The following PRKAR1B variants were observed in gnomAD, a reference collection of about 807,000 sequenced individuals.
PRKAR1B encodes the protein cAMP-dependent protein kinase type I-beta regulatory subunit.
In PRKAR1B, 22 loss-of-function variants were observed where a neutral mutation model predicts 46.5. The observed-to-expected ratio is 0.47, with a 90% CI of 0.34 to 0.68. The LOEUF (loss-of-function observed/expected upper bound fraction) is 0.68, where lower values mean the gene tolerates loss of function less well. Ranked by LOEUF, PRKAR1B falls within the 30% of genes least tolerant of loss-of-function variation. The pLI, the probability that PRKAR1B is intolerant of heterozygous loss-of-function variation, is 0.01. For missense variants in PRKAR1B, 445 were observed against 535.6 expected, an observed-to-expected ratio of 0.83 and a Z score of 1.67; for synonymous variants, 259 against 217.7, an observed-to-expected ratio of 1.19 and a Z score of -1.67.
chr7:702,558 T>G (rs1780115198), intron 2 of PRKAR1B, among the ~76,000 whole-genome samples: 1 of 152,182 alleles, frequency 6.6e-6, no homozygotes, highest in Non-Finnish European at 1.5e-5. Context: ...GGCGTGGGGC[T>G]CACACCTGTA....
chr7:687,510 C>T (rs1406879180), intron 2 of PRKAR1B, among the ~76,000 whole-genome samples: 2 of 152,120 alleles, frequency 1.3e-5, no homozygotes, highest in East Asian at 3.9e-4. Context: ...ATGAAAATAT[C>T]CAGACTGCAG....
chr7:721,385 G>A (rs1431857329), intron 1 of PRKAR1B, among the ~76,000 whole-genome samples: 3 of 152,290 alleles, frequency 2.0e-5, no homozygotes, highest in East Asian at 1.9e-4. Context: ...GGTGGCTCAC[G>A]CCTGTAATCC....
intron 4 of PRKAR1B, among the ~76,000 whole-genome samples, chr7:673,025 A>G (rs1034309994): frequency 7.6e-6 from 1 of 131,226 alleles, no homozygotes; most frequent in Admixed American, 8.5e-5. Flanking sequence ...AGCCTGGGTG[A>G]GAGAGTAAGG....
At chr7:664,795 C>T (rs772725244) in intron 4 of PRKAR1B, among the ~76,000 whole-genome samples, 2 of 151,884 alleles carry the variant, frequency 1.3e-5, no homozygotes, top group Admixed American at 6.6e-5. Flanking sequence ...ACGCCTGTGG[C>T]CCCAGCTAGT....
At position 697,377 on chromosome 7, in the gene PRKAR1B, G is replaced by A. The variant is rs183110001; in HGVS notation, c.177+13952C>T. ...CAGTCCTGCCTGCGGCCCGGTTCTC[G>A]CTCCTGTGGGGACACAGCCTGCCCC... On this transcript the variant is annotated intron_variant, in intron 2 of 10. Transcript: ENST00000537384. 1.8e-3 allele frequency among the ~76,000 whole-genome samples: 270 copies of A among 152,218 alleles called. 1 individual carries two copies. The highest frequency in any genetic ancestry group is 5.9e-3 in the African/African-American group (247 of 41,540).
intron 6 of PRKAR1B, 37 bp from the exon 7 acceptor site, chr7:596,341 A>C (rs1781264979): frequency 6.3e-7 from 1 of 1,583,154 alleles, no homozygotes; most frequent in Non-Finnish European, 8.6e-7. Context: ...CACGGGGGCC[A>C]GGCAGGGTGA....
intron 9 of PRKAR1B, among the ~76,000 whole-genome samples, chr7:577,745 T>G (rs751713664): frequency 6.6e-6 from 1 of 152,188 alleles, no homozygotes; most frequent in Non-Finnish European, 1.5e-5. Flanking sequence ...GTGATGCATG[T>G]GGGCCCCAAA....
intron 4 of PRKAR1B, among the ~76,000 whole-genome samples, chr7:616,011 A>AGAGAGAGT (rs1782802912): frequency 6.7e-6 from 1 of 150,334 alleles, no homozygotes; most frequent in Non-Finnish European, 1.5e-5. Flanking sequence ...AGGAAGAAAG[A>AGAGAGAGT]GAGAGAGAGA....
Position 602,331 on chromosome 7 carries a change from T to C in PRKAR1B, c.549+3862A>G, listed in dbSNP as rs1781669626. Among the ~76,000 whole-genome samples the C allele has an allele frequency of 6.6e-6, 1 of 150,724 alleles. No individual in the cohort carries two copies. Among genetic ancestry groups the C allele is most frequent in the African/African-American group, 2.4e-5 (1 of 40,966 alleles). ...GCTGGAAGGACGGAGGGAAGGGAGATGCCTCACTGAGTCCAGAGGTCGAGG... is the reference window on the plus strand; with the variant it reads ...GCTGGAAGGACGGAGGGAAGGGAGACGCCTCACTGAGTCCAGAGGTCGAGG... On this transcript the variant is annotated intron_variant, in intron 6 of 10. Transcript: ENST00000537384. This position sits in a 1 kb window ranked among gnomAD's most constrained non-coding sequence, Gnocchi z 6.4.
chr7:588,596 G>A (rs1780752454), intron 7 of PRKAR1B, among the ~76,000 whole-genome samples: 1 of 117,506 alleles, frequency 8.5e-6, no homozygotes, highest in African/African-American at 3.8e-5. Context: ...TGGTGATGAC[G>A]GTGGTGATGG....
At chr7:582,508 G>A (rs971087425) in intron 8 of PRKAR1B, among the ~76,000 whole-genome samples, 37 of 152,252 alleles carry the variant, frequency 2.4e-4, no homozygotes, top group African/African-American at 8.9e-4. Context: ...GGGAGGCCAC[G>A]GAGAAGCCGG....
In PRKAR1B at chr7:667,486, C is replaced by G. The variant is rs1303252572; in HGVS notation, c.440+9743G>C. On this transcript the variant is annotated intron_variant, in intron 4 of 10. Coordinates refer to ENST00000537384, the MANE Select transcript of PRKAR1B (RefSeq NM_001164760.2). The surrounding 1 kb of genome is among the most constrained non-coding windows in gnomAD (Gnocchi z 4.3). ...TGCATAGGCGTGCCTGGGAATAAGA[C>G]CACTCCAGCCCAACACCTGTGTGAT... Among the ~76,000 whole-genome samples the G allele has an allele frequency of 6.6e-6, 1 of 152,150 alleles. No individual in the cohort carries two copies. The highest frequency in any genetic ancestry group is 2.4e-5 in the African/African-American group (1 of 41,430).
At chr7:689,741 G>A (rs571691764) in intron 2 of PRKAR1B, among the ~76,000 whole-genome samples, 3 of 151,610 alleles carry the variant, frequency 2.0e-5, no homozygotes, top group Non-Finnish European at 2.9e-5. Flanking sequence ...GTGCAGTGGT[G>A]CAATCTCAGC....
chr7:717,732 C>G (rs1479899174), intron 1 of PRKAR1B, among the ~76,000 whole-genome samples: 2 of 152,110 alleles, frequency 1.3e-5, no homozygotes, highest in East Asian at 3.9e-4. Flanking sequence ...GTAAGGGATG[C>G]AAAATTTCAC....
intron 7 of PRKAR1B, among the ~76,000 whole-genome samples, chr7:588,992 G>A (rs1780828534): frequency 6.7e-6 from 1 of 149,022 alleles, no homozygotes; most frequent in Non-Finnish European, 1.5e-5. Flanking sequence ...CGATGTGATG[G>A]TGATGATGGT....
chr7:577,107 C>T (rs958000625), intron 9 of PRKAR1B, among the ~76,000 whole-genome samples: 1 of 152,046 alleles, frequency 6.6e-6, no homozygotes, highest in Admixed American at 6.5e-5. Flanking sequence ...TCAACGGCCT[C>T]GTCCAACGCC....
intron 5 of PRKAR1B, among the ~76,000 whole-genome samples, chr7:606,501 G>A (rs564400485): frequency 3.6e-4 from 54 of 151,870 alleles, no homozygotes; most frequent in African/African-American, 1.2e-3. Flanking sequence ...TTTTTGAGAC[G>A]GAGTCAGGCT....
At chr7:711,282 C>A in intron 2 of PRKAR1B, 47 bp downstream of exon 2, 2 of 1,606,368 alleles carry the variant, frequency 1.2e-6, no homozygotes, top group Non-Finnish European at 1.7e-6. Context: ...CCGCCTCTGC[C>A]CCAGGACACG....
At chr7:718,863 CTTTTTTTTTT>C (rs1165723435) in intron 1 of PRKAR1B, among the ~76,000 whole-genome samples, 2 of 73,846 alleles carry the variant, frequency 2.7e-5, no homozygotes, top group African/African-American at 5.5e-5. Context: ...CTTTTATAGG[CTTTTTTTTTT>C]TTTTTTTTTT....
Sources: allele counts gnomAD v4.1 joint callset (sites outside exome capture counted in the v4.1 genomes callset), GRCh38; gene constraint gnomAD v4.1.1; non-coding constraint Gnocchi (gnomAD v3.1); transcripts MANE v1.5; gene names NCBI Gene and HGNC (gene_info 2026-07-23, HGNC 2026-07-21).